Variants in BFSP1 observed in about 807,000 individuals in gnomAD.
BFSP1 encodes the protein filensin.
A neutral mutation model predicts 43.9 loss-of-function variants in BFSP1; 38 were observed. That is an observed-to-expected ratio of 0.87 (90% CI 0.67 to 1.14). BFSP1 has a LOEUF of 1.14. BFSP1 is among the 50% of genes most tolerant of loss of function. The pLI, the probability that BFSP1 is intolerant of heterozygous loss-of-function variation, is 0.00. For synonymous variants in BFSP1, 352 were observed against 354.8 expected (o/e 0.99, Z 0.09); for missense variants, 850 against 875.1 (o/e 0.97, Z 0.36).
chr20:17,558,230 A>G (rs189194830), intron 1 of BFSP1, among the ~76,000 whole-genome samples: 1 of 150,844 alleles, frequency 6.6e-6, no homozygotes, highest in Non-Finnish European at 1.5e-5. Context: ...AAATTTTTTC[A>G]TTACATTAGC....
intron 2 of BFSP1, 75 bp downstream of exon 2, chr20:17,524,773 G>A (rs954457433): frequency 2.0e-6 from 3 of 1,506,830 alleles, no homozygotes; most frequent in South Asian, 1.1e-5. Context: ...GAGGAAGCCT[G>A]TAAAACCTGC....
chr20:17,530,855 C>G, intron 1 of BFSP1, 98 bp downstream of exon 1: 1 of 1,250,648 alleles, frequency 8.0e-7, no homozygotes, highest in Non-Finnish European at 1.0e-6. Flanking sequence ...GGACCAGAGA[C>G]GGCGCTCCAC....
At chr20:17,506,450 G>A (rs1348288960) in intron 5 of BFSP1, among the ~76,000 whole-genome samples, 5 of 152,032 alleles carry the variant, frequency 3.3e-5, no homozygotes, top group African/African-American at 9.7e-5. Context: ...GTTACTGAGT[G>A]AGTATAAGCA....
exon 1 of BFSP1, chr20:17,558,820 C>G: frequency 7.3e-7 from 1 of 1,363,524 alleles, no homozygotes; most frequent in Non-Finnish European, 9.8e-7. Flanking sequence ...AGGGCCAGGT[C>G]TGGGCTGAGA....
chr20:17,515,879 G>A (rs948829827), intron 2 of BFSP1, among the ~76,000 whole-genome samples: 3 of 152,120 alleles, frequency 2.0e-5, no homozygotes, highest in Non-Finnish European at 2.9e-5. Context: ...GGGAACACGT[G>A]GTCTGACTAA....
At chr20:17,504,036 G>C (rs1012829278) in intron 5 of BFSP1, among the ~76,000 whole-genome samples, 34 of 152,100 alleles carry the variant, frequency 2.2e-4, no homozygotes, top group African/African-American at 8.2e-4. Context: ...GTAGTGGTAG[G>C]GGGTGGAGGG....
At chr20:17,567,593 G>T (rs917192480) in intron 1 of BFSP1, among the ~76,000 whole-genome samples, 11 of 152,198 alleles carry the variant, frequency 7.2e-5, no homozygotes, top group Non-Finnish European at 1.5e-4. Flanking sequence ...GGCGCTCGGT[G>T]TCTAAGGCCT....
intron 3 of BFSP1, among the ~76,000 whole-genome samples, chr20:17,514,075 G>A (rs189134894): frequency 4.7e-4 from 71 of 152,336 alleles, no homozygotes; most frequent in African/African-American, 1.7e-3. Context: ...GCAGTGGGAG[G>A]AGGCCAGAGC....
At chr20:17,549,180 G>A (rs2034855508) in intron 1 of BFSP1, among the ~76,000 whole-genome samples, 1 of 152,250 alleles carries the variant, frequency 6.6e-6, no homozygotes, top group East Asian at 1.9e-4. Context: ...TGCCATGTTT[G>A]TTATTCCTTC....
At chr20:17,514,476 G>C (rs1469520866) in intron 3 of BFSP1, among the ~76,000 whole-genome samples, 3 of 152,112 alleles carry the variant, frequency 2.0e-5, no homozygotes, top group Non-Finnish European at 4.4e-5. Flanking sequence ...AAATTATACT[G>C]TACAATATAG....
At position 17,494,272 on chromosome 20, in the gene BFSP1, C is replaced by A; in HGVS notation, c.1800G>T (p.Val600=). ...GCAGGCTTCTGCTCCTAGTCCCAAGCACCTCAGCTCCATCCTGATCAGCCG... is the reference window on the plus strand; with the variant it reads ...GCAGGCTTCTGCTCCTAGTCCCAAGAACCTCAGCTCCATCCTGATCAGCCG... ...KPAADQDGAE[V]LGTRSRSLPE... is the part of the protein sequence containing the mutation. Residue 600 remains valine (V), a synonymous_variant, in exon 8 of 8, where the codon GTG becomes GTT. Coordinates refer to ENST00000377873, the MANE Select transcript of BFSP1 (RefSeq NM_001195.5). 6.2e-7 allele frequency: 1 copy of A among 1,614,190 alleles called. No individual in the cohort carries two copies. Among genetic ancestry groups the A allele is most frequent in the South Asian group, 1.1e-5 (1 of 91,082 alleles).
rs144515006 is a variant in BFSP1 at position 17,553,794 on chromosome 20, TACAC to T, written c.2+4890_2+4893del. The stretch of plus-strand genomic sequence containing the variant: ...ATATAAACATATATATATATATATA[TACAC>T]ACACACACACACACACACACACACA... On this transcript the variant is annotated intron_variant, in intron 1 of 7. Coordinates refer to the BFSP1 transcript ENST00000377868. Among the ~76,000 whole-genome samples the T allele has an allele frequency of 4.9e-3, 511 of 104,882 alleles. 12 individuals are homozygous for T. Among genetic ancestry groups the T allele is most frequent in the Middle Eastern group, 0.013 (3 of 224 alleles). 68.8% of individuals were successfully genotyped at this position (104,882 alleles called of 152,430 possible).
chr20:17,531,562 A>G (rs1051505864), upstream of BFSP1, among the ~76,000 whole-genome samples: 57 of 152,312 alleles, frequency 3.7e-4, 1 homozygote, highest in Middle Eastern at 6.8e-3. Flanking sequence ...TTGGAAGGTT[A>G]CGCTGGGCAA....
intron 1 of BFSP1, chr20:17,569,116 G>A: frequency 6.6e-6 from 1 of 152,514 alleles, no homozygotes; most frequent in Non-Finnish European, 1.5e-5. Context: ...CGCGCCGCCG[G>A]CCTCCTTCCC....
At chr20:17,500,882 A>G (rs2033782198) in intron 5 of BFSP1, among the ~76,000 whole-genome samples, 1 of 152,192 alleles carries the variant, frequency 6.6e-6, no homozygotes, top group Non-Finnish European at 1.5e-5. Context: ...TTTGACACGC[A>G]TGGTCCTCAA....
chr20:17,561,249 A>G (rs1269702457), upstream of BFSP1, among the ~76,000 whole-genome samples: 1 of 152,258 alleles, frequency 6.6e-6, no homozygotes, highest in Non-Finnish European at 1.5e-5. Context: ...CTGTAATCCC[A>G]GCACTTTGGG....
At chr20:17,561,063 A>G (rs1158349942), upstream of BFSP1, among the ~76,000 whole-genome samples, 1 of 152,196 alleles carries the variant, frequency 6.6e-6, no homozygotes, top group Non-Finnish European at 1.5e-5. Flanking sequence ...ATTACACTCA[A>G]TCCTACATGC....
intron 1 of BFSP1, among the ~76,000 whole-genome samples, chr20:17,568,704 ACTGT>A (rs1024655449): frequency 1.3e-5 from 2 of 152,250 alleles, no homozygotes; most frequent in East Asian, 1.9e-4. Flanking sequence ...TGCACAACTT[ACTGT>A]CTTTTTTAAA....
chr20:17,497,613 T>C (rs1323251065), intron 6 of BFSP1, among the ~76,000 whole-genome samples: 3 of 114,208 alleles, frequency 2.6e-5, no homozygotes, highest in African/African-American at 9.4e-5. Flanking sequence ...TATACGTATA[T>C]ATACATATAC....
Sources: allele counts gnomAD v4.1 joint callset (sites outside exome capture counted in the v4.1 genomes callset), GRCh38; gene constraint gnomAD v4.1.1; transcripts MANE v1.5; gene names NCBI Gene and HGNC (gene_info 2026-07-23, HGNC 2026-07-21).